The following ATP8A1 variants were observed in gnomAD, a reference collection of about 807,000 sequenced individuals.
The protein encoded by ATP8A1 is phospholipid-transporting ATPase IA.
A neutral mutation model predicts 177.7 loss-of-function variants in ATP8A1; 90 were observed. That is an observed-to-expected ratio of 0.51 (90% CI 0.43 to 0.60). The LOEUF is 0.60. Ranked by LOEUF, ATP8A1 falls within the 20% of genes least tolerant of loss-of-function variation. The pLI, the probability that ATP8A1 is intolerant of heterozygous loss-of-function variation, is 0.00. For missense variants in ATP8A1, 1,072 were observed against 1,392.8 expected (o/e 0.77, Z 3.67); for synonymous variants, 493 against 485.9 (o/e 1.01, Z -0.19).
chr4:42,582,349 T>C (rs1291892790), intron 9 of ATP8A1, among the ~76,000 whole-genome samples: 3 of 152,188 alleles, frequency 2.0e-5, no homozygotes, highest in Admixed American at 1.3e-4. Context: ...GGTAATGTTT[T>C]GGAATTCAGA....
rs111312570 is a variant in ATP8A1, at chr4:42,650,265, T to C, written c.49+6560A>G. ...ATCTCCAGAATTACACTAAGTAAAA[T>C]GACACCTACTTTGAGATTTTCAAAT... On this transcript the variant is annotated intron_variant, in intron 1 of 36. Transcript: ENST00000381668. Among the ~76,000 whole-genome samples the C allele has an allele frequency of 7.3e-3, 1,115 of 152,314 alleles. 8 individuals carry two copies. Among genetic ancestry groups the C allele is most frequent in the Middle Eastern group, 0.027 (8 of 294 alleles).
intron 5 of ATP8A1, among the ~76,000 whole-genome samples, chr4:42,601,146 C>G (rs1295188176): frequency 1.3e-5 from 2 of 150,620 alleles, no homozygotes; most frequent in Non-Finnish European, 2.9e-5. Flanking sequence ...AGCCATTCTC[C>G]TGCCTCGGTC....
chr4:42,430,519 C>A (rs78265595), intron 33 of ATP8A1, among the ~76,000 whole-genome samples: 2 of 151,194 alleles, frequency 1.3e-5, no homozygotes, highest in Admixed American at 1.3e-4. Context: ...TAGGAGTACA[C>A]GTGCAGGTTT....
intron 21 of ATP8A1, 61 bp downstream of exon 21, chr4:42,524,702 G>T: frequency 9.4e-7 from 1 of 1,067,222 alleles, no homozygotes; most frequent in Non-Finnish European, 1.4e-6. Flanking sequence ...ATCCTGCAAG[G>T]TATCAGAAGT....
At chr4:42,510,793 GGA>G (rs1724924728) in intron 22 of ATP8A1, among the ~76,000 whole-genome samples, 1 of 152,040 alleles carries the variant, frequency 6.6e-6, no homozygotes, top group Non-Finnish European at 1.5e-5. Flanking sequence ...TGACTTCACT[GGA>G]GAGATCACAT....
At chr4:42,479,869 C>T (rs1721475047) in intron 25 of ATP8A1, among the ~76,000 whole-genome samples, 1 of 152,094 alleles carries the variant, frequency 6.6e-6, no homozygotes, top group Non-Finnish European at 1.5e-5. Flanking sequence ...GGGGGCTGGT[C>T]CTGCTTGGGT....
intron 20 of ATP8A1, among the ~76,000 whole-genome samples, chr4:42,540,784 G>A (rs888944880): frequency 6.6e-6 from 1 of 152,140 alleles, no homozygotes; most frequent in Non-Finnish European, 1.5e-5. Flanking sequence ...GGGTGAGACA[G>A]AGGGAGGAGG....
intron 18 of ATP8A1, among the ~76,000 whole-genome samples, chr4:42,549,663 C>T (rs1729297693): frequency 6.6e-6 from 1 of 151,740 alleles, no homozygotes; most frequent in African/African-American, 2.4e-5. Flanking sequence ...GGTGCGGTGG[C>T]ACATGCCTAT....
chr4:42,636,402 AG>A (rs1443646138), intron 1 of ATP8A1, among the ~76,000 whole-genome samples: 1 of 95,736 alleles, frequency 1.0e-5, no homozygotes, highest in Non-Finnish European at 2.7e-5. Flanking sequence ...AGAGACGGGT[AG>A]GGGGAGAGAG....
At chr4:42,476,234 C>T (rs984154530) in intron 25 of ATP8A1, among the ~76,000 whole-genome samples, 2 of 152,080 alleles carry the variant, frequency 1.3e-5, no homozygotes, top group Non-Finnish European at 2.9e-5. Context: ...AAATGAATAA[C>T]AAAGGATCCC....
chr4:42,576,737 T>G (rs558821563), intron 12 of ATP8A1, among the ~76,000 whole-genome samples: 1 of 152,286 alleles, frequency 6.6e-6, no homozygotes, highest in Non-Finnish European at 1.5e-5. Context: ...TATTGAGTTT[T>G]ATGTGCCATG....
intron 5 of ATP8A1, among the ~76,000 whole-genome samples, chr4:42,605,896 A>G (rs1050791905): frequency 1.3e-5 from 2 of 152,224 alleles, no homozygotes; most frequent in African/African-American, 4.8e-5. Flanking sequence ...GACAAAATCA[A>G]TACATGTTTC....
intron 20 of ATP8A1, among the ~76,000 whole-genome samples, chr4:42,529,661 A>G (rs771677950): frequency 6.6e-6 from 1 of 152,218 alleles, no homozygotes; most frequent in African/African-American, 2.4e-5. Flanking sequence ...CAGTTGACAG[A>G]GGAAGAGAAG....
At chr4:42,493,914 G>A (rs1722979159) in intron 24 of ATP8A1, among the ~76,000 whole-genome samples, 1 of 151,488 alleles carries the variant, frequency 6.6e-6, no homozygotes, top group Non-Finnish European at 1.5e-5. Flanking sequence ...GTACTAACAC[G>A]AAACGCGCCA....
rs987357021 is a variant in ATP8A1, at chr4:42,424,273, CA to C, written c.3124-569del. ...TGCTGTATTAGAGCCTTTTGGGTTGCAAAAAAAAATGATTCTGTAATTTAAA... is the reference window on the plus strand; with the variant it reads ...TGCTGTATTAGAGCCTTTTGGGTTGCAAAAAAAATGATTCTGTAATTTAAA... On this transcript the variant is annotated intron_variant, in intron 33 of 36. Coordinates refer to ENST00000381668, the MANE Select transcript of ATP8A1 (RefSeq NM_006095.2). Among the ~76,000 whole-genome samples the C allele has an allele frequency of 7.8e-3, 1,124 of 144,578 alleles. 12 individuals are homozygous for C. The highest frequency in any genetic ancestry group is 0.027 in the African/African-American group (1,050 of 39,420). 94.8% of individuals were successfully genotyped at this position (144,578 alleles called of 152,430 possible).
chr4:42,653,013 C>G lies in ATP8A1; in HGVS notation c.49+3812G>C, dbSNP rs1026271420. ...AAACCTCTTTGTCTTTATAAATTAC[C>G]CAGTCTTGGGTATGTTTTTATTAGC... On this transcript the variant is annotated intron_variant, in intron 1 of 36. Transcript: ENST00000381668. Among the ~76,000 whole-genome samples the G allele has an allele frequency of 1.0e-4, 14 of 139,284 alleles. 1 individual carries two copies. The highest frequency in any genetic ancestry group is 3.2e-4 in the African/African-American group (13 of 40,416). The allele number at this position is 139,284 out of a possible 152,430, so 91.4% of individuals were successfully genotyped here. A position where few individuals can be genotyped will look rare whatever the true frequency, so the allele number is the denominator to read the frequency against.
At chr4:42,614,219 G>A (rs1736678279) in intron 5 of ATP8A1, among the ~76,000 whole-genome samples, 1 of 152,004 alleles carries the variant, frequency 6.6e-6, no homozygotes, top group Non-Finnish European at 1.5e-5. Context: ...GCACCTGTGT[G>A]GTAGCCCAAA....
chr4:42,551,400 TC>T (rs1729490590), intron 17 of ATP8A1, 120 bp from the exon 18 acceptor site: 1 of 664,856 alleles, frequency 1.5e-6, no homozygotes, highest in Non-Finnish European at 2.7e-6. Context: ...TTATTCTGGC[TC>T]ATGTTATTAA....
chr4:42,619,586 T>C (rs1309314994), intron 4 of ATP8A1, among the ~76,000 whole-genome samples: 2 of 150,990 alleles, frequency 1.3e-5, no homozygotes, highest in African/African-American at 4.9e-5. Flanking sequence ...AGGCAATTCT[T>C]ACTATATTTT....
Sources: gnomAD v4.1 joint callset for allele counts (sites outside exome capture counted in the v4.1 genomes callset) on GRCh38, gnomAD v4.1.1 for gene constraint, MANE v1.5 for transcripts, NCBI Gene and HGNC (gene_info 2026-07-23, HGNC 2026-07-21) for gene names.